NOM1: variants seen among roughly 807,000 people sequenced by gnomAD.
The protein encoded by NOM1 is nucleolar protein with MIF4G domain 1.
A neutral mutation model predicts 73.3 loss-of-function variants in NOM1; 58 were observed. That is an observed-to-expected ratio of 0.79 (90% CI 0.64 to 0.99). The LOEUF is 0.99. Ranked by LOEUF, NOM1 falls within the 50% of genes least tolerant of loss-of-function variation. The pLI is 0.00. For missense variants in NOM1, 1,226 were observed against 1,131.9 expected, an observed-to-expected ratio of 1.08 and a Z score of -1.19; for synonymous variants, 487 against 446.8, an observed-to-expected ratio of 1.09 and a Z score of -1.14.
At position 156,960,126 on chromosome 7, in the gene NOM1, C is replaced by G. The variant is rs1490994706; in HGVS notation, c.1584C>G (p.Ala528=). 1.2e-6 allele frequency: 2 copies of G among 1,613,840 alleles called. No homozygotes were observed. Among genetic ancestry groups the G allele is most frequent in the South Asian group, 2.2e-5 (2 of 91,058 alleles). The change falls in exon 4 of 11, where the codon GCC becomes GCG. Residue 528 remains alanine, a synonymous_variant. Coordinates refer to ENST00000275820, the MANE Select transcript of NOM1 (RefSeq NM_138400.2). ...CACTTAAGGAATTGATCACTGAAGC[C>G]CAGACCAAAGCCAGCGGGGCAGGCA... The part of the protein sequence containing the change: ...ALSLKELITE[A]QTKASGAGSE...
chr7:156,954,168 G>A lies in NOM1; in HGVS notation c.1178G>A (p.Arg393Lys). The A allele has an allele frequency of 6.2e-7, 1 of 1,613,802 alleles. No homozygotes were observed. Among genetic ancestry groups the A allele is most frequent in the Non-Finnish European group, 8.5e-7 (1 of 1,179,894 alleles). ...QLEELYMAHS[R>K]KDMNDTLTSA... ...GAGGAACTGTACATGGCCCACAGCAGAAAGGACATGAATGACACCCTGACC... is the reference window on the plus strand; with the variant it reads ...GAGGAACTGTACATGGCCCACAGCAAAAAGGACATGAATGACACCCTGACC... The change falls in exon 3 of 11, where the codon AGA becomes AAA. Residue 393 changes from arginine to lysine, a missense_variant. Coordinates refer to ENST00000275820, the MANE Select transcript of NOM1 (RefSeq NM_138400.2).
chr7:156,963,093 G>A lies in NOM1; in HGVS notation c.1829G>A (p.Trp610Ter), dbSNP rs1804906106. 1.2e-6 allele frequency: 2 copies of A among 1,614,100 alleles called. No individual in the cohort carries two copies. Among genetic ancestry groups the A allele is most frequent in the Non-Finnish European group, 8.5e-7 (1 of 1,180,040 alleles). The part of the protein sequence containing the change: ...VLSAEQTGRW[W>*]IVGSAWSGAP... ...AGTGCGGAGCAGACGGGTCGCTGGT[G>A]GATTGTGGGGTCCGCCTGGAGTGGG... The change falls in exon 6 of 11, where the codon TGG becomes TAG. Residue 610 changes from tryptophan (W) to a stop codon, truncating the protein, a stop_gained. Coordinates refer to ENST00000275820, the MANE Select transcript of NOM1 (RefSeq NM_138400.2). LOFTEE classifies it high-confidence loss of function.
At chr7:156,955,083 G>A (rs1009504473) in intron 3 of NOM1, among the ~76,000 whole-genome samples, 4 of 152,184 alleles carry the variant, frequency 2.6e-5, no homozygotes, top group Non-Finnish European at 5.9e-5. Context: ...CTTTTGTTGG[G>A]ATTGAACTGA....
chr7:156,955,660 A>G (rs1804703116), intron 3 of NOM1, among the ~76,000 whole-genome samples: 1 of 152,258 alleles, frequency 6.6e-6, no homozygotes, highest in Non-Finnish European at 1.5e-5. Flanking sequence ...GCAGACCTTT[A>G]CTGAAGCTTG....
In NOM1 at chr7:156,949,919, C is replaced by G. The variant is rs1384122596; in HGVS notation, c.182C>G (p.Ala61Gly). 3 of 1,542,234 alleles carry G rather than the reference C, an allele frequency of 1.9e-6. No homozygotes were observed. Among genetic ancestry groups the G allele is most frequent in the South Asian group, 1.2e-5 (1 of 83,864 alleles). Residue 61 changes from alanine to glycine, a missense_variant, in exon 1 of 11, where the codon GCT becomes GGT. Ala to Gly is a moderately conservative substitution (Grantham distance 60). Coordinates refer to ENST00000275820, the MANE Select transcript of NOM1 (RefSeq NM_138400.2). ...GTGCACGCGACTTCGGAAGGCGAGG[C>G]TCCCGGGGGTTGCGAGGGGCGCGGC... Reference protein sequence around the residue: ...EFVHATSEGEAPGGCEGRGAP... With the variant: ...EFVHATSEGEGPGGCEGRGAP...
At chr7:156,960,434 G>T (rs776764865) in intron 4 of NOM1, among the ~76,000 whole-genome samples, 26 of 152,190 alleles carry the variant, frequency 1.7e-4, no homozygotes, top group Non-Finnish European at 3.2e-4. Flanking sequence ...AGGACATGGG[G>T]CTCTAGGGTC....
At chr7:156,956,373 C>T (rs753233722) in intron 3 of NOM1, among the ~76,000 whole-genome samples, 2 of 152,090 alleles carry the variant, frequency 1.3e-5, no homozygotes, top group South Asian at 2.1e-4. Context: ...TGTGTCCAGT[C>T]GTTAAGGTCA....
intron 1 of NOM1, among the ~76,000 whole-genome samples, chr7:156,950,941 A>G (rs1563677090): frequency 6.6e-6 from 1 of 152,176 alleles, no homozygotes; most frequent in Non-Finnish European, 1.5e-5. Flanking sequence ...AGACATTTTT[A>G]TCCCGGGGAC....
At chr7:156,954,424 T>C in intron 3 of NOM1, 126 bp downstream of exon 3, 1 of 690,900 alleles carries the variant, frequency 1.4e-6, no homozygotes, top group Non-Finnish European at 2.3e-6. Context: ...TTGTTGTGAA[T>C]AAATACTCTA....
At position 156,969,651 on chromosome 7, in the gene NOM1, A is replaced by G; in HGVS notation, c.2531A>G (p.Lys844Arg). The G allele has an allele frequency of 3.7e-6, 6 of 1,613,484 alleles. No individual in the cohort carries two copies. Among genetic ancestry groups the G allele is most frequent in the Non-Finnish European group, 5.1e-6 (6 of 1,179,690 alleles). ...GACGAAGCCAACGTGCTGAGAGAGA[A>G]AGCTGACCTTGCAACGAAGTGTCTG... is the stretch of plus-strand genomic sequence containing the variant. The part of the protein sequence containing the change: ...SADEANVLRE[K>R]ADLATKCLQG... Residue 844 changes from lysine (K) to arginine (R), a missense_variant, in exon 11 of 11, where the codon AAA becomes AGA. Coordinates refer to ENST00000275820, the MANE Select transcript of NOM1 (RefSeq NM_138400.2).
At chr7:156,955,254 G>C (rs1804692896) in intron 3 of NOM1, among the ~76,000 whole-genome samples, 1 of 152,110 alleles carries the variant, frequency 6.6e-6, no homozygotes, top group Non-Finnish European at 1.5e-5. Flanking sequence ...CCTCTTCTGG[G>C]CCTGTTCTCT....
intron 9 of NOM1, chr7:156,968,687 T>TTATATATATA (rs6150414): frequency 1.2e-4 from 16 of 132,552 alleles, no homozygotes; most frequent in African/African-American, 2.8e-4. Context: ...GAAGTAAATT[T>TTATATATATA]TATATATATA....
Position 156,966,969 on chromosome 7 carries a change from C to G in NOM1, c.2175C>G (p.Phe725Leu), listed in dbSNP as rs749870865. 4 of 1,611,272 alleles carry G rather than the reference C, an allele frequency of 2.5e-6. No homozygotes were observed. The highest frequency in any genetic ancestry group is 1.7e-6 in the Non-Finnish European group (2 of 1,179,076). Residue 725 changes from phenylalanine to leucine, a missense_variant, in exon 9 of 11, where the codon TTC (phenylalanine) becomes TTG (leucine). Transcript: ENST00000275820. ...CEYERRFQMT[F>L]QFSIWDKFRD... The stretch of plus-strand genomic sequence containing the variant: ...TTTAACTATGATACTAGATGACTTT[C>G]CAGTTCAGCATATGGGACAAATTTC...
In NOM1 at chr7:156,963,197, G is replaced by A. The variant is rs369516563; in HGVS notation, c.1911+22G>A. On this transcript the variant is annotated intron_variant, in intron 6 of 10. Transcript: ENST00000275820. Reference sequence around the variant, plus strand: ...GACGGTAGGGACACCCATGCTCAAGGCTGCCAGGCAGAGGCACCCCCCTGT... The same window carrying A: ...GACGGTAGGGACACCCATGCTCAAGACTGCCAGGCAGAGGCACCCCCCTGT... 7.4e-6 allele frequency: 12 copies of A among 1,613,664 alleles called. No individual in the cohort carries two copies. In the African/African-American group the frequency reaches 9.3e-5, roughly 13 times the overall value.
At chr7:156,954,627 C>T (rs992862477) in intron 3 of NOM1, among the ~76,000 whole-genome samples, 5 of 150,276 alleles carry the variant, frequency 3.3e-5, no homozygotes, top group Non-Finnish European at 5.9e-5. Flanking sequence ...CCACCTCATC[C>T]TCCAGAGTAG....
chr7:156,967,372 C>CTGGT (rs1011673737), intron 9 of NOM1, among the ~76,000 whole-genome samples: 12 of 152,190 alleles, frequency 7.9e-5, no homozygotes, highest in African/African-American at 2.7e-4. Context: ...AAATCCTGAA[C>CTGGT]TGGTCACTGT....
At chr7:156,953,330 G>T (rs1804639047) in intron 2 of NOM1, among the ~76,000 whole-genome samples, 1 of 152,092 alleles carries the variant, frequency 6.6e-6, no homozygotes, top group Non-Finnish European at 1.5e-5. Flanking sequence ...ATTTCTCCAT[G>T]TAGGTCAGGC....
Position 156,964,023 on chromosome 7 carries a change from T to C in NOM1, c.2030T>C (p.Leu677Pro). The C allele has an allele frequency of 6.2e-7, 1 of 1,612,946 alleles. No homozygotes were observed. The highest frequency in any genetic ancestry group is 8.5e-7 in the Non-Finnish European group (1 of 1,179,434). The change falls in exon 7 of 11, where the codon CTG becomes CCG. Residue 677 changes from leucine to proline, a missense_variant. Leu to Pro is a moderately conservative substitution (Grantham distance 98, BLOSUM62 -3). Transcript: ENST00000275820. ...EDFLDAFEKL[L>P]KLGLKDQQER... ...TTTTTGGATGCTTTTGAAAAGCTTC[T>C]GAAGTAAGCATTTGTGTGCACATTT...
chr7:156,960,156 G>A lies in NOM1; in HGVS notation c.1614G>A (p.Glu538=), dbSNP rs1390196517. ...CCAAAGCCAGCGGGGCAGGCAGCGA[G>A]TTTCAGGACCAGACCAGGGTACGCG... is the stretch of plus-strand genomic sequence containing the variant. ...AQTKASGAGS[E]FQDQTRIRFM... is the part of the protein sequence containing the mutation. The change falls in exon 4 of 11, where the codon GAG becomes GAA. Residue 538 remains glutamate (E), a synonymous_variant. Transcript: ENST00000275820. 6.2e-7 allele frequency: 1 copy of A among 1,613,218 alleles called. No homozygotes were observed. The highest frequency in any genetic ancestry group is 8.5e-7 in the Non-Finnish European group (1 of 1,179,890).
Sources: allele counts gnomAD v4.1 joint callset (sites outside exome capture counted in the v4.1 genomes callset), GRCh38; gene constraint gnomAD v4.1.1; transcripts MANE v1.5; gene names NCBI Gene and HGNC (gene_info 2026-07-23, HGNC 2026-07-21).